PABPC4L: variants seen among roughly 807,000 people sequenced by gnomAD.
PABPC4L encodes polyadenylate-binding protein 4-like.
For missense variants in PABPC4L, 452 were observed against 451.4 expected, an observed-to-expected ratio of 1.00 and a Z score of -0.01; for synonymous variants, 169 against 164.1, an observed-to-expected ratio of 1.03 and a Z score of -0.23.
At chr4:134,100,761 A>T in the PABPC4L span, among the ~76,000 whole-genome samples, 2 of 151,718 alleles carry the variant, frequency 1.3e-5, no homozygotes, top group South Asian at 2.1e-4. Flanking sequence ...GACACCACTT[A>T]TATGTAAATT....
chr4:134,117,332 C>A, the PABPC4L span, among the ~76,000 whole-genome samples: 1 of 151,744 alleles, frequency 6.6e-6, no homozygotes, highest in Non-Finnish European at 1.5e-5. Context: ...AGCTCTGAAT[C>A]TAAGTACCTC....
chr4:134,125,694 T>G, the PABPC4L span, among the ~76,000 whole-genome samples: 3 of 152,308 alleles, frequency 2.0e-5, no homozygotes, highest in South Asian at 2.1e-4. Flanking sequence ...TATGTATCTG[T>G]CATTGTAATA....
chr4:134,021,157 T>A, the PABPC4L span, among the ~76,000 whole-genome samples: 1 of 152,128 alleles, frequency 6.6e-6, no homozygotes, highest in Non-Finnish European at 1.5e-5. Flanking sequence ...GTTTGACACA[T>A]GAACAACATC....
chr4:134,061,958 A>G, the PABPC4L span, among the ~76,000 whole-genome samples: 1 of 151,936 alleles, frequency 6.6e-6, no homozygotes, highest in Non-Finnish European at 1.5e-5. Context: ...CCCTCATAGG[A>G]TGACAGTTAT....
the PABPC4L span, among the ~76,000 whole-genome samples, chr4:134,092,486 G>T: frequency 6.6e-6 from 1 of 151,680 alleles, no homozygotes; most frequent in Non-Finnish European, 1.5e-5. Flanking sequence ...ATACTTCCTG[G>T]ATACCAGACA....
At chr4:133,967,390 C>T in the PABPC4L span, among the ~76,000 whole-genome samples, 1 of 152,024 alleles carries the variant, frequency 6.6e-6, no homozygotes, top group Non-Finnish European at 1.5e-5. Context: ...AACAGATAAA[C>T]ATATGAGTAT....
chr4:133,972,659 C>T, the PABPC4L span, among the ~76,000 whole-genome samples: 141 of 152,090 alleles, frequency 9.3e-4, no homozygotes, highest in Non-Finnish European at 1.6e-3. Context: ...ACTGCCATGG[C>T]AAATCATAGT....
At chr4:134,148,048 T>C in the PABPC4L span, among the ~76,000 whole-genome samples, 6 of 152,184 alleles carry the variant, frequency 3.9e-5, no homozygotes, top group East Asian at 7.7e-4. Flanking sequence ...AGACTGCTCA[T>C]AGAGTGGTGT....
the PABPC4L span, among the ~76,000 whole-genome samples, chr4:134,133,985 T>G: frequency 6.6e-6 from 1 of 152,036 alleles, no homozygotes; most frequent in Admixed American, 6.6e-5. Context: ...TCTCAATTTT[T>G]AACTTAAATA....
the PABPC4L span, among the ~76,000 whole-genome samples, chr4:133,959,043 A>G: frequency 2.6e-5 from 4 of 152,142 alleles, no homozygotes; most frequent in African/African-American, 9.7e-5. Context: ...TCCTGTTTCT[A>G]TGGGTATTCA....
the PABPC4L span, among the ~76,000 whole-genome samples, chr4:134,148,972 T>C: frequency 6.6e-6 from 1 of 152,068 alleles, no homozygotes; most frequent in Non-Finnish European, 1.5e-5. Context: ...AGCAAAAATA[T>C]TCTCAATTGC....
Position 134,196,374 on chromosome 4 carries a change from G to C in PABPC4L, c.*3533C>G, listed in dbSNP as rs1263582960. The C allele has an allele frequency of 6.6e-6, 1 of 151,412 alleles. No homozygotes were observed. The highest frequency in any genetic ancestry group is 2.4e-5 in the African/African-American group (1 of 41,330). 9.4% of individuals were successfully genotyped at this position (151,412 alleles called of 1,614,324 possible). A position where few individuals can be genotyped will look rare whatever the true frequency, so the allele number is the denominator to read the frequency against. ...TTAGATTTTATTTGACATTTTCTCAGTGGATCTATAACAATATTGAGAACA... is the reference window on the plus strand; with the variant it reads ...TTAGATTTTATTTGACATTTTCTCACTGGATCTATAACAATATTGAGAACA... On this transcript the variant is annotated 3_prime_UTR_variant, in exon 2 of 2. Coordinates refer to ENST00000421491, the MANE Select transcript of PABPC4L (RefSeq NM_001114734.2).
chr4:134,181,370 T>A, the PABPC4L span, among the ~76,000 whole-genome samples: 1 of 152,068 alleles, frequency 6.6e-6, no homozygotes, highest in Admixed American at 6.6e-5. Context: ...GGGACATACC[T>A]CAAAACAGTA....
chr4:134,057,697 T>G, the PABPC4L span, among the ~76,000 whole-genome samples: 3 of 152,082 alleles, frequency 2.0e-5, no homozygotes, highest in Admixed American at 2.0e-4. Flanking sequence ...CTATTCATGT[T>G]TTGGAATTGC....
the PABPC4L span, among the ~76,000 whole-genome samples, chr4:133,989,980 C>T: frequency 1.2e-4 from 18 of 152,134 alleles, no homozygotes; most frequent in Non-Finnish European, 2.1e-4. Context: ...TACATAAGAT[C>T]TCATAACTCA....
the PABPC4L span, among the ~76,000 whole-genome samples, chr4:134,150,557 A>C: frequency 5.2e-3 from 793 of 152,280 alleles, 9 homozygotes; most frequent in African/African-American, 0.018. Context: ...ACTTTAAAAA[A>C]ATTAGATTCC....
the PABPC4L span, among the ~76,000 whole-genome samples, chr4:134,077,572 A>G: frequency 6.6e-6 from 1 of 152,158 alleles, no homozygotes; most frequent in African/African-American, 2.4e-5. Context: ...TAGGTTAGCA[A>G]TAAAACAGAA....
At chr4:134,142,413 T>C in the PABPC4L span, among the ~76,000 whole-genome samples, 1 of 151,722 alleles carries the variant, frequency 6.6e-6, no homozygotes. Context: ...GGGAACTCTG[T>C]GAAGAATATG....
the PABPC4L span, among the ~76,000 whole-genome samples, chr4:134,064,540 C>T: frequency 3.9e-5 from 6 of 152,126 alleles, 1 homozygote; most frequent in South Asian, 4.2e-4. Context: ...TCACCTCTCT[C>T]GGAATGAGAT....
Sources: gnomAD v4.1 joint callset for allele counts (sites outside exome capture counted in the v4.1 genomes callset) on GRCh38, gnomAD v4.1.1 for gene constraint, MANE v1.5 for transcripts, NCBI Gene and HGNC (gene_info 2026-07-23, HGNC 2026-07-21) for gene names.